The following AHCTF1 variants were observed in gnomAD, a reference collection of about 807,000 sequenced individuals.
AHCTF1 encodes the protein protein ELYS.
A neutral mutation model predicts 248.4 loss-of-function variants in AHCTF1; 24 were observed. The ratio of observed to expected loss-of-function variants is 0.10; its 90% CI spans 0.07 to 0.14. The LOEUF (loss-of-function observed/expected upper bound fraction) is 0.14. Ranked by LOEUF, AHCTF1 falls within the 10% of genes least tolerant of loss-of-function variation. The pLI, the probability that AHCTF1 is intolerant of heterozygous loss-of-function variation, is 1.00. For missense variants in AHCTF1, 2,206 were observed against 2,636.2 expected (o/e 0.84, Z 3.57); for synonymous variants, 786 against 929.8 (o/e 0.85, Z 2.81).
chr1:246,844,645 G>A (rs1273743682), intron 33 of AHCTF1, among the ~76,000 whole-genome samples: 1 of 152,166 alleles, frequency 6.6e-6, no homozygotes, highest in Non-Finnish European at 1.5e-5. Flanking sequence ...GATCACCTGA[G>A]CCTGGGAAGC....
intron 33 of AHCTF1, among the ~76,000 whole-genome samples, chr1:246,847,281 C>G (rs1218003854): frequency 1.4e-5 from 2 of 142,076 alleles, no homozygotes; most frequent in Admixed American, 1.4e-4. Flanking sequence ...AACAGCCAAA[C>G]TCCATCTCAA....
At chr1:246,873,783 A>G (rs1259069161) in intron 24 of AHCTF1, among the ~76,000 whole-genome samples, 2 of 152,294 alleles carry the variant, frequency 1.3e-5, no homozygotes, top group African/African-American at 4.8e-5. Flanking sequence ...TCACCCCACA[A>G]AACTGGAGCA....
intron 21 of AHCTF1, among the ~76,000 whole-genome samples, chr1:246,879,675 A>G (rs1227083631): frequency 6.6e-6 from 1 of 152,066 alleles, no homozygotes; most frequent in Non-Finnish European, 1.5e-5. Context: ...TAAGAATACA[A>G]AAATTAGCAA....
At chr1:246,929,014 TAGTCA>T (rs1667140388) in intron 1 of AHCTF1, among the ~76,000 whole-genome samples, 3 of 152,180 alleles carry the variant, frequency 2.0e-5, no homozygotes, top group Non-Finnish European at 4.4e-5. Context: ...AGGAGATATA[TAGTCA>T]ATTATCAGAG....
Position 246,904,143 on chromosome 1 carries a change from A to G in AHCTF1, c.882-110T>C. 3.7e-6 allele frequency: 3 copies of G among 807,542 alleles called. No homozygotes were observed. The South Asian group carries it at 4.9e-5, about 13-fold the overall frequency. The allele number at this position is 807,542 out of a possible 1,614,324, so 50.0% of individuals were successfully genotyped here. ...AATGTTGAGTGCATGTGACAAAACTAAAATCACTGTGAAAAATTTAGTTTT... is the reference window on the plus strand; with the variant it reads ...AATGTTGAGTGCATGTGACAAAACTGAAATCACTGTGAAAAATTTAGTTTT... On this transcript the variant is annotated intron_variant, in intron 6 of 35. Transcript: ENST00000648844.
In AHCTF1 at chr1:246,916,982, C is replaced by T. The variant is rs1229430362; in HGVS notation, c.122-587G>A. On this transcript the variant is annotated intron_variant, in intron 2 of 35. Transcript: ENST00000648844. ...TAACTAGCATAATGATAGGAAGTCT[C>T]AGAACCTCTTCTCCGCCTATTAGTC... 4.6e-5 allele frequency among the ~76,000 whole-genome samples: 7 copies of T among 152,216 alleles called. No homozygotes were observed. In the East Asian group the frequency reaches 1.3e-3, roughly 29 times the overall value.
At chr1:246,915,864 A>G (rs1421331828) in intron 3 of AHCTF1, among the ~76,000 whole-genome samples, 5 of 152,276 alleles carry the variant, frequency 3.3e-5, no homozygotes, top group Admixed American at 2.0e-4. Flanking sequence ...TTTCACAAAA[A>G]AAGAGTATCA....
Position 246,899,572 on chromosome 1 carries a change from C to T in AHCTF1, c.1433-60G>A, listed in dbSNP as rs1664850399. ...TATATTTAAAATGGCATTAATAGAA[C>T]AAAATTTATCCAATAACAGACTGCA... On this transcript the variant is annotated intron_variant, in intron 10 of 35. Coordinates refer to ENST00000648844, the MANE Select transcript of AHCTF1 (RefSeq NM_001323342.2). The T allele has an allele frequency of 5.6e-5, 74 of 1,311,076 alleles. No individual in the cohort carries two copies. In the South Asian group the frequency reaches 9.4e-4, roughly 17 times the overall value. 81.2% of individuals were successfully genotyped at this position (1,311,076 alleles called of 1,614,324 possible).
Position 246,853,132 on chromosome 1 carries a change from G to A in AHCTF1, c.4522C>T (p.Leu1508Phe). 1 of 1,609,856 alleles carries A rather than the reference G, an allele frequency of 6.2e-7. No individual in the cohort carries two copies. The highest frequency in any genetic ancestry group is 1.3e-5 in the African/African-American group (1 of 74,784). Residue 1508 changes from leucine to phenylalanine, a missense_variant, in exon 32 of 36, where the codon CTT becomes TTT. Leu to Phe is a conservative substitution (Grantham distance 22, BLOSUM62 0). Transcript: ENST00000648844. ...TCAGGAGGGCTGTCAGAAATTGGAA[G>A]CTTTTCTTCTGGTAAGTCAACACTT... ...KESVDLPEEK[L>F]PISDSPPDTQ...
In AHCTF1 at chr1:246,867,193, G is replaced by A. The variant is rs545073615; in HGVS notation, c.3347+51C>T. On this transcript the variant is annotated intron_variant, in intron 26 of 35. Transcript: ENST00000648844. Reference sequence around the variant, plus strand: ...TTAAAGATAATTAAAAATTACAATTGTAACTATCATCTAACATTGTGTCTC... The same window carrying A: ...TTAAAGATAATTAAAAATTACAATTATAACTATCATCTAACATTGTGTCTC... 10 of 931,490 alleles carry A rather than the reference G, an allele frequency of 1.1e-5. 1 individual carries two copies. The South Asian group carries it at 1.4e-4, about 13-fold the overall frequency. 57.7% of individuals were successfully genotyped at this position (931,490 alleles called of 1,614,324 possible).
chr1:246,915,088 T>C (rs1038062230), intron 3 of AHCTF1, among the ~76,000 whole-genome samples: 2 of 152,138 alleles, frequency 1.3e-5, no homozygotes, highest in Non-Finnish European at 2.9e-5. Context: ...TCCCAGCACT[T>C]TGGGAGGCTA....
chr1:246,861,214 T>C lies in AHCTF1; in HGVS notation c.3817A>G (p.Lys1273Glu). 6.2e-7 allele frequency: 1 copy of C among 1,613,652 alleles called. No homozygotes were observed. Among genetic ancestry groups the C allele is most frequent in the South Asian group, 1.1e-5 (1 of 91,010 alleles). ...AGGAAAAAAGATGTGGTCCTATCTTTGCTCTTCAGCCATTCAGTTTCCACT... is the reference window on the plus strand; with the variant it reads ...AGGAAAAAAGATGTGGTCCTATCTTCGCTCTTCAGCCATTCAGTTTCCACT... ...VPVETEWLKS[K>E]DRTTSFFLNS... Residue 1273 changes from lysine (K) to glutamate (E), a missense_variant, in exon 29 of 36, where the codon AAA becomes GAA. This residue lies in a region of AHCTF1 where 955 missense variants were observed against 1,055.6 expected (regional missense o/e 0.90). Transcript: ENST00000648844.
At chr1:246,890,468 G>A (rs941507437) in intron 16 of AHCTF1, among the ~76,000 whole-genome samples, 1 of 152,088 alleles carries the variant, frequency 6.6e-6, no homozygotes, top group Non-Finnish European at 1.5e-5. Flanking sequence ...GAAGCTGAAG[G>A]CTTTGCAAGT....
In AHCTF1 at chr1:246,861,311, T is replaced by G; in HGVS notation, c.3736-16A>C. 1 of 1,582,610 alleles carries G rather than the reference T, an allele frequency of 6.3e-7. No homozygotes were observed. Among genetic ancestry groups the G allele is most frequent in the Non-Finnish European group, 8.6e-7 (1 of 1,161,460 alleles). On this transcript the variant is annotated splice_polypyrimidine_tract_variant and intron_variant, in intron 28 of 35. Coordinates refer to ENST00000648844, the MANE Select transcript of AHCTF1 (RefSeq NM_001323342.2). ...CATCTGCAGCCTGTAAAGTAAGATT[T>G]TGAAAAGAAAAAAATTAGTAAATAT... is the stretch of plus-strand genomic sequence containing the variant.
In AHCTF1 at chr1:246,857,724, T is replaced by A. The variant is rs1443646727; in HGVS notation, c.4223A>T (p.Glu1408Val). The change falls in exon 30 of 36, where the codon GAA (glutamate) becomes GTA (valine). Residue 1408 changes from glutamate (E) to valine (V), a missense_variant. Coordinates refer to ENST00000648844, the MANE Select transcript of AHCTF1 (RefSeq NM_001323342.2). ...LNHLSPVQGT[E>V]ASLCAPSVYE... ...GACTGATGGTGCACAAAGAGAAGCTTCAGTTCCTTGAACCGGGCTTAAGTG... is the reference window on the plus strand; with the variant it reads ...GACTGATGGTGCACAAAGAGAAGCTACAGTTCCTTGAACCGGGCTTAAGTG... 6.2e-7 allele frequency: 1 copy of A among 1,613,738 alleles called. No individual in the cohort carries two copies. Among genetic ancestry groups the A allele is most frequent in the East Asian group, 2.2e-5 (1 of 44,870 alleles).
chr1:246,908,999 T>C (rs925982213), intron 4 of AHCTF1, among the ~76,000 whole-genome samples: 3 of 151,646 alleles, frequency 2.0e-5, no homozygotes, highest in African/African-American at 7.3e-5. Flanking sequence ...TATTTACAGT[T>C]TCACTCTCCA....
chr1:246,849,698 T>C lies in AHCTF1; in HGVS notation c.6308A>G (p.Lys2103Arg). The change falls in exon 33 of 36, where the codon AAG becomes AGG. Residue 2103 changes from lysine (K) to arginine (R), a missense_variant. By Grantham distance (26) the Lys-to-Arg change is conservative. This residue lies in a region of AHCTF1 where 469 missense variants were observed against 470.0 expected (regional missense o/e 1.00). Coordinates refer to ENST00000648844, the MANE Select transcript of AHCTF1 (RefSeq NM_001323342.2). ...AGAAAGGTCCGGCAACAAGATGGCCTTGCTAGACCGAGTCCTGCTGCTGCG... is the reference window on the plus strand; with the variant it reads ...AGAAAGGTCCGGCAACAAGATGGCCCTGCTAGACCGAGTCCTGCTGCTGCG... Reference protein sequence around the residue: ...SSRSSRTRSSKAILLPDLSEP... With the variant: ...SSRSSRTRSSRAILLPDLSEP... 1 of 1,614,014 alleles carries C rather than the reference T, an allele frequency of 6.2e-7. No individual in the cohort carries two copies. The highest frequency in any genetic ancestry group is 1.7e-5 in the Admixed American group (1 of 60,020).
Position 246,861,964 on chromosome 1 carries a change from G to T in AHCTF1, c.3730C>A (p.Pro1244Thr). ...VEEDVHPKWI[P>T]GAADDSKLEV... ...CCAATTATTATCAAACTTACCCCAG[G>T]AATCCATTTTGGGTGGACATCTTCT... The change falls in exon 28 of 36, where the codon CCT becomes ACT. Residue 1244 changes from proline (P) to threonine (T), a missense_variant. By Grantham distance (38) the Pro-to-Thr change is conservative. Around this residue, in one of 6 missense-constraint regions of AHCTF1, gnomAD observed 955 missense variants for 1,055.6 expected, o/e 0.90. Transcript: ENST00000648844. The T allele has an allele frequency of 6.2e-7, 1 of 1,611,218 alleles. No individual in the cohort carries two copies. Among genetic ancestry groups the T allele is most frequent in the South Asian group, 1.1e-5 (1 of 90,614 alleles).
chr1:246,839,652 A>G lies in AHCTF1; in HGVS notation c.*1154T>C. The stretch of plus-strand genomic sequence containing the variant: ...AATAAATGCAGAAAGCACACTGCAT[A>G]TGCTTCACATTAAAATATTAAAAGC... On this transcript the variant is annotated 3_prime_UTR_variant, in exon 36 of 36. Coordinates refer to ENST00000648844, the MANE Select transcript of AHCTF1 (RefSeq NM_001323342.2). 9 of 702,960 alleles carry G rather than the reference A, an allele frequency of 1.3e-5. No individual in the cohort carries two copies. The highest frequency in any genetic ancestry group is 1.6e-5 in the Non-Finnish European group (9 of 571,626). 43.5% of individuals were successfully genotyped at this position (702,960 alleles called of 1,614,324 possible). A position where few individuals can be genotyped will look rare whatever the true frequency, so the allele number is the denominator to read the frequency against.
Sources: allele counts gnomAD v4.1 joint callset (sites outside exome capture counted in the v4.1 genomes callset), GRCh38; gene constraint gnomAD v4.1.1; regional missense constraint gnomAD v4.1.1; transcripts MANE v1.5; gene names NCBI Gene and HGNC (gene_info 2026-07-23, HGNC 2026-07-21).